Variants in LDLRAD4 observed in about 807,000 individuals in gnomAD.
LDLRAD4 encodes the protein low-density lipoprotein receptor class A domain-containing protein 4.
Under a neutral mutation model 17.0 loss-of-function variants are expected in LDLRAD4, and 5 were observed. That is an observed-to-expected ratio of 0.29 (90% CI 0.15 to 0.62). The LOEUF (loss-of-function observed/expected upper bound fraction) is 0.62. Ranked by LOEUF, LDLRAD4 falls within the 20% of genes least tolerant of loss-of-function variation. LDLRAD4 has a pLI of 0.84. For missense variants in LDLRAD4, 340 were observed against 424.7 expected (o/e 0.80, Z 1.75); for synonymous variants, 168 against 171.8 (o/e 0.98, Z 0.17).
In LDLRAD4 at chr18:13,390,561, G is replaced by C. The variant is rs534469308; in HGVS notation, c.40+2799G>C. On this transcript the variant is annotated intron_variant, in intron 2 of 5. Transcript: ENST00000359446. ...CTCTCATCCTCACAAGATCCTAGGT[G>C]CTTGGCTCACTTTAAAGTCTGGGAA... 1.8e-4 allele frequency among the ~76,000 whole-genome samples: 28 copies of C among 152,244 alleles called. 1 individual carries two copies. Among genetic ancestry groups the C allele is most frequent in the African/African-American group, 6.3e-4 (26 of 41,542 alleles).
intron 1 of LDLRAD4, among the ~76,000 whole-genome samples, chr18:13,333,407 CT>C: frequency 1.3e-5 from 2 of 152,248 alleles, no homozygotes; most frequent in Admixed American, 1.3e-4. Context: ...TAGCAGAAGT[CT>C]TTAATTTTAA....
intron 1 of LDLRAD4, among the ~76,000 whole-genome samples, chr18:13,237,799 T>G (rs746555639): frequency 6.6e-6 from 1 of 152,228 alleles, no homozygotes; most frequent in Non-Finnish European, 1.5e-5. Context: ...TTGACCCATG[T>G]AATTCATTTA....
intron 4 of LDLRAD4, among the ~76,000 whole-genome samples, chr18:13,632,952 T>C (rs2041798253): frequency 6.6e-6 from 1 of 152,122 alleles, no homozygotes; most frequent in Admixed American, 6.5e-5. Context: ...TCCCAATGTC[T>C]GTCTGTCAAT....
chr18:13,359,152 G>C (rs1044210472), intron 1 of LDLRAD4, among the ~76,000 whole-genome samples: 4 of 152,064 alleles, frequency 2.6e-5, no homozygotes, highest in African/African-American at 9.7e-5. Context: ...TCAGCCTCAG[G>C]CTTTGTGCAC....
intron 1 of LDLRAD4, among the ~76,000 whole-genome samples, chr18:13,358,891 T>A (rs897753989): frequency 1.3e-5 from 2 of 152,070 alleles, no homozygotes; most frequent in African/African-American, 4.8e-5. Flanking sequence ...AAGGTGAAAA[T>A]TTTCATTCTG....
chr18:13,333,464 G>A (rs2081965182), intron 1 of LDLRAD4, among the ~76,000 whole-genome samples: 2 of 152,094 alleles, frequency 1.3e-5, no homozygotes, highest in South Asian at 4.1e-4. Context: ...CATGCCTTTA[G>A]TGTTGAATCT....
chr18:13,396,395 T>C (rs1396769168), intron 2 of LDLRAD4, among the ~76,000 whole-genome samples: 4 of 152,264 alleles, frequency 2.6e-5, no homozygotes, highest in African/African-American at 9.6e-5. Flanking sequence ...CATCCACTCA[T>C]AGACTTTACA....
At chr18:13,643,909 CGT>C (rs988621470) in intron 5 of LDLRAD4, among the ~76,000 whole-genome samples, 1 of 151,742 alleles carries the variant, frequency 6.6e-6, no homozygotes, top group Admixed American at 6.6e-5. Flanking sequence ...TGCATATATG[CGT>C]GTGTGTGTGT....
chr18:13,345,120 T>A (rs1266848125), intron 1 of LDLRAD4, among the ~76,000 whole-genome samples: 1 of 152,180 alleles, frequency 6.6e-6, no homozygotes, highest in Admixed American at 6.5e-5. Context: ...AACACTATGT[T>A]GAATAGGAGT....
intron 1 of LDLRAD4, among the ~76,000 whole-genome samples, chr18:13,267,460 A>G (rs549477473): frequency 2.0e-5 from 3 of 152,330 alleles, no homozygotes; most frequent in Non-Finnish European, 2.9e-5. Context: ...AAGAACGGGG[A>G]CAGTTTGATC....
intron 1 of LDLRAD4, among the ~76,000 whole-genome samples, chr18:13,386,791 C>A (rs566045992): frequency 6.6e-6 from 1 of 152,314 alleles, no homozygotes; most frequent in South Asian, 2.1e-4. Flanking sequence ...GTGGCACATG[C>A]CTATAATCCT....
intron 3 of LDLRAD4, among the ~76,000 whole-genome samples, chr18:13,447,921 G>A (rs555101261): frequency 6.6e-6 from 1 of 152,276 alleles, no homozygotes; most frequent in South Asian, 2.1e-4. Context: ...GGAAAGTCAG[G>A]GCAAGCTCTC....
chr18:13,415,933 G>A (rs997475742), intron 2 of LDLRAD4, among the ~76,000 whole-genome samples: 4 of 152,256 alleles, frequency 2.6e-5, no homozygotes, highest in African/African-American at 4.8e-5. Context: ...GAGGTTGAGA[G>A]GAGGGGAACG....
At chr18:13,288,799 G>A (rs1425660699) in intron 1 of LDLRAD4, among the ~76,000 whole-genome samples, 1 of 117,602 alleles carries the variant, frequency 8.5e-6, no homozygotes, top group African/African-American at 2.8e-5. Flanking sequence ...CACTCTGCAA[G>A]GTGAGTCACG....
intron 3 of LDLRAD4, among the ~76,000 whole-genome samples, chr18:13,600,170 A>G (rs2095144666): frequency 6.6e-6 from 1 of 152,258 alleles, no homozygotes; most frequent in Non-Finnish European, 1.5e-5. Context: ...TATTTAAAAT[A>G]TCTAGCATAT....
chr18:13,625,439 C>A (rs1462131471), intron 4 of LDLRAD4, among the ~76,000 whole-genome samples: 2 of 152,128 alleles, frequency 1.3e-5, no homozygotes, highest in Admixed American at 1.3e-4. Context: ...CTGCTATGAG[C>A]GGCCCCTCGC....
At chr18:13,299,671 C>G (rs576657886) in intron 1 of LDLRAD4, among the ~76,000 whole-genome samples, 10 of 152,108 alleles carry the variant, frequency 6.6e-5, no homozygotes, top group African/African-American at 2.4e-4. Context: ...CAGCAAGACC[C>G]CATCTATAAA....
At chr18:13,499,066 CG>C (rs2147243951) in intron 3 of LDLRAD4, among the ~76,000 whole-genome samples, 1 of 145,032 alleles carries the variant, frequency 6.9e-6, no homozygotes, top group East Asian at 2.1e-4. Flanking sequence ...GAATCCTTCT[CG>C]CCATACACAT....
rs1215323244 is a variant in LDLRAD4, at chr18:13,367,189, C to T, written c.-382-20152C>T. Among the ~76,000 whole-genome samples the T allele has an allele frequency of 6.6e-6, 1 of 152,214 alleles. No homozygotes were observed. The highest frequency in any genetic ancestry group is 1.5e-5 in the Non-Finnish European group (1 of 68,044). On this transcript the variant is annotated intron_variant, in intron 1 of 5. Coordinates refer to ENST00000359446, the Ensembl canonical transcript of LDLRAD4. This position sits in a 1 kb window ranked among gnomAD's most constrained non-coding sequence, Gnocchi z 4.1. ...GGGAAGGAGGTTTTGCAATCCCCTC[C>T]AGCCCCACTCCGTTACAACCAGTGG...
Sources: allele counts gnomAD v4.1 joint callset (sites outside exome capture counted in the v4.1 genomes callset), GRCh38; gene constraint gnomAD v4.1.1; non-coding constraint Gnocchi (gnomAD v3.1); transcripts MANE v1.5; gene names NCBI Gene and HGNC (gene_info 2026-07-23, HGNC 2026-07-21).